TBC1D5: variants seen among roughly 807,000 people sequenced by gnomAD.
The protein encoded by TBC1D5 is TBC1 domain family member 5.
TBC1D5 carries 75 observed loss-of-function variants against 100.3 expected under a neutral mutation model. The observed-to-expected ratio is 0.75, with a 90% CI of 0.62 to 0.91. TBC1D5 has a LOEUF of 0.91. TBC1D5 is among the 40% of genes least tolerant of loss of function. The pLI is 0.00. For missense variants in TBC1D5, 910 were observed against 942.4 expected (o/e 0.97, Z 0.45); for synonymous variants, 323 against 325.6 (o/e 0.99, Z 0.09).
intron 9 of TBC1D5, among the ~76,000 whole-genome samples, chr3:17,378,712 C>T (rs1169349309): frequency 6.7e-6 from 1 of 150,028 alleles, no homozygotes; most frequent in Non-Finnish European, 1.5e-5. Flanking sequence ...TTCTATTTTG[C>T]TTTCATGCCT....
intron 3 of TBC1D5, among the ~76,000 whole-genome samples, chr3:17,494,915 G>GCACT: frequency 6.6e-6 from 1 of 152,172 alleles, no homozygotes; most frequent in Non-Finnish European, 1.5e-5. Context: ...GCTCATGAGG[G>GCACT]GATACCCTGA....
chr3:17,445,355 TA>T (rs202174925), intron 3 of TBC1D5, among the ~76,000 whole-genome samples: 17 of 144,202 alleles, frequency 1.2e-4, no homozygotes, highest in Admixed American at 2.1e-4. Flanking sequence ...TGAAGAACCA[TA>T]AAAAAAAAAG....
chr3:17,322,854 T>G (rs965564938), intron 13 of TBC1D5, among the ~76,000 whole-genome samples: 1 of 152,218 alleles, frequency 6.6e-6, no homozygotes, highest in African/African-American at 2.4e-5. Flanking sequence ...GAAATATTCA[T>G]GTTCTGAACA....
chr3:17,497,077 CT>C (rs1246516755), intron 3 of TBC1D5, among the ~76,000 whole-genome samples: 1 of 129,692 alleles, frequency 7.7e-6, no homozygotes, highest in East Asian at 2.2e-4. Flanking sequence ...CTTTCTTTCT[CT>C]CTCTCTCTGA....
chr3:17,232,816 G>C (rs1273198979), intron 17 of TBC1D5, among the ~76,000 whole-genome samples: 4 of 152,034 alleles, frequency 2.6e-5, no homozygotes, highest in Non-Finnish European at 4.4e-5. Context: ...TATTAAAACA[G>C]TATTTTAATA....
At chr3:17,584,687 A>AT (rs2096721302) in intron 2 of TBC1D5, among the ~76,000 whole-genome samples, 1 of 152,020 alleles carries the variant, frequency 6.6e-6, no homozygotes, top group Admixed American at 6.6e-5. Flanking sequence ...GTATTTATTT[A>AT]TTTTGAGATG....
chr3:17,656,329 T>A (rs2066059576), intron 1 of TBC1D5, among the ~76,000 whole-genome samples: 1 of 152,148 alleles, frequency 6.6e-6, no homozygotes, highest in Non-Finnish European at 1.5e-5. Context: ...TTTCTGTGCC[T>A]CTCAAACAAT....
In TBC1D5 at chr3:17,192,348, C is replaced by T. The variant is rs550424161; in HGVS notation, c.1753-7140G>A. 3.2e-4 allele frequency among the ~76,000 whole-genome samples: 48 copies of T among 150,042 alleles called. 1 individual carries two copies. Among genetic ancestry groups the T allele is most frequent in the South Asian group, 1.3e-3 (6 of 4,732 alleles). Reference sequence around the variant, plus strand: ...TAAACGACACTAAATAGAGAAACTTCTATGAAATAAATTGTAAAAAAAAAA... The same window carrying T: ...TAAACGACACTAAATAGAGAAACTTTTATGAAATAAATTGTAAAAAAAAAA... On this transcript the variant is annotated intron_variant, in intron 18 of 21. Transcript: ENST00000253692.
At chr3:17,213,170 G>T (rs1225471092) in intron 18 of TBC1D5, among the ~76,000 whole-genome samples, 1 of 152,066 alleles carries the variant, frequency 6.6e-6, no homozygotes, top group Non-Finnish European at 1.5e-5. Context: ...ATAATTGCCT[G>T]CAGTATTCAG....
chr3:17,250,981 C>T (rs1269237040), intron 16 of TBC1D5, among the ~76,000 whole-genome samples: 2 of 152,132 alleles, frequency 1.3e-5, no homozygotes, highest in African/African-American at 4.8e-5. Context: ...ATTGAAGCAA[C>T]AAAAAGTTTC....
rs1344140840 is a variant in TBC1D5 at position 17,470,916 on chromosome 3, A to G, written c.97+37558T>C. Among the ~76,000 whole-genome samples, 4 of 152,076 alleles carry G rather than the reference A, an allele frequency of 2.6e-5. No homozygotes were observed. In the South Asian group the frequency reaches 8.3e-4, roughly 32 times the overall value. ...AGCCCGGACGACAGAGTGATAATCC[A>G]TCTCAAAAAAAAAGTGATTTTTGTG... On this transcript the variant is annotated intron_variant, in intron 3 of 21. Coordinates refer to ENST00000253692, the Ensembl canonical transcript of TBC1D5.
chr3:17,655,895 GAACC>G (rs1237334899), intron 1 of TBC1D5, among the ~76,000 whole-genome samples: 2 of 152,170 alleles, frequency 1.3e-5, no homozygotes, highest in African/African-American at 2.4e-5. Flanking sequence ...CTCTCAGAAG[GAACC>G]AACCCTGCTG....
chr3:17,441,699 T>C (rs905042423), intron 3 of TBC1D5, among the ~76,000 whole-genome samples: 6 of 152,236 alleles, frequency 3.9e-5, no homozygotes, highest in South Asian at 2.1e-4. Context: ...ATTAATTCTT[T>C]CTAAGATATT....
chr3:17,706,063 T>A, intron 1 of TBC1D5: 3 of 1,595,384 alleles, frequency 1.9e-6, no homozygotes, highest in Non-Finnish European at 2.6e-6. Context: ...GCCTACTGAT[T>A]TCCCCCGACC....
chr3:17,644,796 G>A (rs4377510), intron 1 of TBC1D5, among the ~76,000 whole-genome samples: 75,726 of 151,872 alleles, frequency 0.5, 20,468 homozygotes, highest in East Asian at 0.94. Flanking sequence ...AAAAATACAC[G>A]AGAAAACAGG....
rs548050046 is a variant in TBC1D5, at chr3:17,608,387, A to G, written c.-36+15462T>C. Among the ~76,000 whole-genome samples the G allele has an allele frequency of 5.1e-3, 776 of 152,304 alleles. 3 individuals are homozygous for G. Among genetic ancestry groups the G allele is most frequent in the Non-Finnish European group, 8.0e-3 (545 of 68,024 alleles). The stretch of plus-strand genomic sequence containing the variant: ...AAATACATAATGAGTAAAAAGGGGG[A>G]AAAAATTGCCATATTTTCTGACATG... On this transcript the variant is annotated intron_variant, in intron 2 of 21. Transcript: ENST00000253692.
At chr3:17,285,288 T>A in intron 15 of TBC1D5, among the ~76,000 whole-genome samples, 1 of 128,294 alleles carries the variant, frequency 7.8e-6, no homozygotes, top group African/African-American at 3.0e-5. Flanking sequence ...TGAGACGGAG[T>A]CTCGCTCTGT....
At chr3:17,467,896 C>T (rs1444445186) in intron 3 of TBC1D5, among the ~76,000 whole-genome samples, 1 of 152,098 alleles carries the variant, frequency 6.6e-6, no homozygotes, top group Non-Finnish European at 1.5e-5. Context: ...CCCTAGTTAC[C>T]ATGACAACTC....
chr3:17,314,285 C>G (rs187764299), intron 13 of TBC1D5, among the ~76,000 whole-genome samples: 1 of 152,178 alleles, frequency 6.6e-6, no homozygotes, highest in East Asian at 1.9e-4. Flanking sequence ...CTCAAGTTAG[C>G]TCTTCTTGAC....
Sources: allele counts gnomAD v4.1 joint callset (sites outside exome capture counted in the v4.1 genomes callset), GRCh38; gene constraint gnomAD v4.1.1; transcripts MANE v1.5; gene names NCBI Gene and HGNC (gene_info 2026-07-23, HGNC 2026-07-21).